The following RBM46 variants were observed in gnomAD, a reference collection of about 807,000 sequenced individuals.
The protein encoded by RBM46 is probable RNA-binding protein 46.
In RBM46, 12 loss-of-function variants were observed where a neutral mutation model predicts 43.3. The observed-to-expected ratio is 0.28, with a 90% CI of 0.18 to 0.45. The LOEUF (loss-of-function observed/expected upper bound fraction) is 0.45, where lower values mean the gene tolerates loss of function less well. RBM46 is among the 20% of genes least tolerant of loss of function. RBM46 has a pLI of 1.00. For missense variants in RBM46, 412 were observed against 639.1 expected, an observed-to-expected ratio of 0.64 and a Z score of 3.83; for synonymous variants, 205 against 207.6, an observed-to-expected ratio of 0.99 and a Z score of 0.11.
chr4:154,786,355 C>T (rs1733765372), intron 1 of RBM46, among the ~76,000 whole-genome samples: 2 of 152,076 alleles, frequency 1.3e-5, no homozygotes, highest in South Asian at 4.2e-4. Context: ...TCCCAAAGTG[C>T]TGGGATTACA....
At chr4:154,822,940 T>TTGAAATGAAA (rs757020641) in intron 4 of RBM46, among the ~76,000 whole-genome samples, 3 of 151,832 alleles carry the variant, frequency 2.0e-5, no homozygotes, top group Non-Finnish European at 3.0e-5. Context: ...CTAAAGAGAA[T>TTGAAATGAAA]TGAAAACATA....
At chr4:154,815,142 C>A (rs935797796) in intron 4 of RBM46, among the ~76,000 whole-genome samples, 1 of 152,018 alleles carries the variant, frequency 6.6e-6, no homozygotes. Flanking sequence ...TTGATTCATA[C>A]TATTTCAGGT....
chr4:154,800,168 A>G (rs1370058968), intron 4 of RBM46, among the ~76,000 whole-genome samples: 1 of 152,096 alleles, frequency 6.6e-6, no homozygotes, highest in Non-Finnish European at 1.5e-5. Flanking sequence ...TTAATGACTA[A>G]TTCTCAGTTG....
In RBM46 at chr4:154,812,085, A is replaced by G. The variant is rs533013260; in HGVS notation, c.1402+12521A>G. The stretch of plus-strand genomic sequence containing the variant: ...TAATTTGCCCAAGATCCTAGTTAGC[A>G]TAAGAGGCTGTGCTCTTAACTGCCA... On this transcript the variant is annotated intron_variant, in intron 4 of 4. Coordinates refer to ENST00000281722, the MANE Select transcript of RBM46 (RefSeq NM_144979.5). Among the ~76,000 whole-genome samples, 3 of 151,396 alleles carry G rather than the reference A, an allele frequency of 2.0e-5. No individual in the cohort carries two copies. The East Asian group carries it at 5.8e-4, about 29-fold the overall frequency.
At chr4:154,816,334 A>G (rs900900209) in intron 4 of RBM46, among the ~76,000 whole-genome samples, 3 of 152,092 alleles carry the variant, frequency 2.0e-5, no homozygotes, top group African/African-American at 7.2e-5. Flanking sequence ...TGGGAACAAT[A>G]ACATTTTTAT....
intron 1 of RBM46, among the ~76,000 whole-genome samples, chr4:154,789,181 T>G (rs1167117146): frequency 6.6e-6 from 1 of 152,204 alleles, no homozygotes; most frequent in Non-Finnish European, 1.5e-5. Flanking sequence ...TTCTCCTGCC[T>G]GATTGCCCTG....
chr4:154,827,458 A>G (rs1313654599), intron 4 of RBM46: 2 of 1,003,458 alleles, frequency 2.0e-6, no homozygotes, highest in Admixed American at 1.1e-4. Context: ...TGCCTAATAC[A>G]GCTTCAAAGA....
At chr4:154,806,304 A>G (rs1734903819) in intron 4 of RBM46, among the ~76,000 whole-genome samples, 1 of 151,942 alleles carries the variant, frequency 6.6e-6, no homozygotes, top group Non-Finnish European at 1.5e-5. Context: ...ATAAGAATTG[A>G]GAATCCTTTC....
intron 2 of RBM46, among the ~76,000 whole-genome samples, chr4:154,797,182 C>A (rs1560896428): frequency 6.6e-6 from 1 of 152,114 alleles, no homozygotes; most frequent in Admixed American, 6.5e-5. Flanking sequence ...GGGTGCTACT[C>A]TAGGTGTTAA....
intron 4 of RBM46, among the ~76,000 whole-genome samples, chr4:154,808,985 C>G (rs568143468): frequency 7.2e-5 from 11 of 151,936 alleles, no homozygotes; most frequent in Non-Finnish European, 1.3e-4. Flanking sequence ...AAGGCACTCA[C>G]TTAGTTTCGG....
intron 1 of RBM46, among the ~76,000 whole-genome samples, chr4:154,793,064 A>G (rs1368986793): frequency 6.6e-6 from 1 of 152,224 alleles, no homozygotes; most frequent in East Asian, 1.9e-4. Flanking sequence ...ATATTCCTAC[A>G]CAGCCATCTA....
chr4:154,800,131 A>G (rs1195854311), intron 4 of RBM46, among the ~76,000 whole-genome samples: 1 of 151,834 alleles, frequency 6.6e-6, no homozygotes, highest in Non-Finnish European at 1.5e-5. Context: ...AGTGTTCATA[A>G]CCCTGTTTTA....
At chr4:154,796,154 G>A (rs1393877770) in intron 1 of RBM46, among the ~76,000 whole-genome samples, 1 of 152,118 alleles carries the variant, frequency 6.6e-6, no homozygotes, top group Admixed American at 6.5e-5. Context: ...GTGACAAAGT[G>A]AGACTCTGTC....
chr4:154,782,665 T>C (rs1733554829), intron 1 of RBM46, among the ~76,000 whole-genome samples: 1 of 152,124 alleles, frequency 6.6e-6, no homozygotes, highest in Non-Finnish European at 1.5e-5. Flanking sequence ...TTTGTATTAG[T>C]AGAGACAGGG....
chr4:154,793,274 G>A (rs896294838), intron 1 of RBM46, among the ~76,000 whole-genome samples: 2 of 152,116 alleles, frequency 1.3e-5, no homozygotes, highest in African/African-American at 2.4e-5. Context: ...CTGAAGAGGA[G>A]CTAGATATTT....
rs1163842091 is a variant in RBM46 at position 154,799,126 on chromosome 4, C to G, written c.964C>G (p.Gln322Glu). 1 of 1,614,064 alleles carries G rather than the reference C, an allele frequency of 6.2e-7. No homozygotes were observed. ...ENTWRQHLNG[Q>E]ISPNSENLIV... ...CACTTGGAGACAGCATCTTAATGGT[C>G]AGATTAGTCCAAATTCTGAAAATCT... Residue 322 changes from glutamine to glutamate, a missense_variant, in exon 4 of 5, where the codon CAG (glutamine) becomes GAG (glutamate). Transcript: ENST00000281722.
At chr4:154,817,793 C>T (rs948007351) in intron 4 of RBM46, among the ~76,000 whole-genome samples, 1 of 151,902 alleles carries the variant, frequency 6.6e-6, no homozygotes, top group Non-Finnish European at 1.5e-5. Flanking sequence ...TTGCCATTTG[C>T]GTTCTGTTTT....
Position 154,796,914 on chromosome 4 carries a change from G to A in RBM46, c.151+11G>A. 1.9e-6 allele frequency: 3 copies of A among 1,605,058 alleles called. No homozygotes were observed. The highest frequency in any genetic ancestry group is 1.7e-4 in the Middle Eastern group (1 of 5,994). On this transcript the variant is annotated intron_variant, in intron 2 of 4. Transcript: ENST00000281722. ...GCGGTCCTCCTCCAGGTGTGGATTTGTTTACAGTCTTTTAAATTTAATCTT... is the reference window on the plus strand; with the variant it reads ...GCGGTCCTCCTCCAGGTGTGGATTTATTTACAGTCTTTTAAATTTAATCTT...
chr4:154,794,543 C>A (rs1734257649), intron 1 of RBM46, among the ~76,000 whole-genome samples: 1 of 152,076 alleles, frequency 6.6e-6, no homozygotes. Flanking sequence ...AATGAAAGAA[C>A]CTGTTACTTG....
Sources: allele counts gnomAD v4.1 joint callset (sites outside exome capture counted in the v4.1 genomes callset), GRCh38; gene constraint gnomAD v4.1.1; transcripts MANE v1.5; gene names NCBI Gene and HGNC (gene_info 2026-07-23, HGNC 2026-07-21).